TMEM217: variants seen among roughly 807,000 people sequenced by gnomAD.
TMEM217 encodes the protein transmembrane protein 217.
For synonymous variants in TMEM217, 76 were observed against 88.3 expected (o/e 0.86, Z 0.78); for missense variants, 204 against 248.8 (o/e 0.82, Z 1.21).
At chr6:37,226,601 CAG>C (rs775923812) in intron 1 of TMEM217, among the ~76,000 whole-genome samples, 3 of 151,446 alleles carry the variant, frequency 2.0e-5, no homozygotes, top group Non-Finnish European at 4.4e-5. Flanking sequence ...CCGGCCGAGA[CAG>C]AGTCTTGCTC....
At chr6:37,215,086 C>G, downstream of TMEM217, 1 of 1,425,314 alleles carries the variant, frequency 7.0e-7, no homozygotes, top group Middle Eastern at 2.2e-4. Context: ...GCTGCCCCAG[C>G]CTTGGTCTCC....
intron 1 of TMEM217, among the ~76,000 whole-genome samples, chr6:37,245,568 G>A (rs770322478): frequency 2.0e-5 from 3 of 152,208 alleles, no homozygotes; most frequent in Non-Finnish European, 4.4e-5. Flanking sequence ...ATAATACTAG[G>A]AGGTGGGCTC....
At chr6:37,232,201 T>C (rs1005959126) in intron 1 of TMEM217, among the ~76,000 whole-genome samples, 1 of 152,184 alleles carries the variant, frequency 6.6e-6, no homozygotes, top group African/African-American at 2.4e-5. Flanking sequence ...AAATAGAATT[T>C]TCCCAAGTTG....
chr6:37,225,225 A>G (rs1160204982), intron 1 of TMEM217, among the ~76,000 whole-genome samples: 1 of 152,098 alleles, frequency 6.6e-6, no homozygotes, highest in East Asian at 1.9e-4. Flanking sequence ...AATTACCAAA[A>G]GTAAGAGGAT....
Position 37,234,528 on chromosome 6 carries a change from A to G in TMEM217, c.-11-15487T>C, listed in dbSNP as rs140596056. Among the ~76,000 whole-genome samples, 559 of 152,244 alleles carry G rather than the reference A, an allele frequency of 3.7e-3. 4 individuals are homozygous for G. Among genetic ancestry groups the G allele is most frequent in the African/African-American group, 0.013 (528 of 41,534 alleles). ...TTGATATAGCCACTAGTGATGATAC[A>G]GTTAAGAGTTTGGGAGGAATGGCAG... On this transcript the variant is annotated intron_variant, in intron 1 of 1. Coordinates refer to ENST00000357219, the Ensembl canonical transcript of TMEM217.
chr6:37,241,150 G>A (rs1244133915), intron 1 of TMEM217, among the ~76,000 whole-genome samples: 2 of 148,098 alleles, frequency 1.4e-5, no homozygotes, highest in African/African-American at 2.5e-5. Context: ...CCAGGCTGGA[G>A]TGTAGTGGCA....
chr6:37,233,614 A>T (rs190981184), intron 1 of TMEM217, among the ~76,000 whole-genome samples: 107 of 152,252 alleles, frequency 7.0e-4, no homozygotes, highest in African/African-American at 2.3e-3. Context: ...TACTACCATC[A>T]CACTGGGGTT....
chr6:37,247,808 T>C (rs1765180709), intron 1 of TMEM217, among the ~76,000 whole-genome samples: 1 of 152,194 alleles, frequency 6.6e-6, no homozygotes, highest in Non-Finnish European at 1.5e-5. Flanking sequence ...TACCAACTCC[T>C]GAGAGTCAGT....
exon 2 of TMEM217, chr6:37,218,372 T>C (rs1351860259): frequency 8.5e-6 from 12 of 1,403,788 alleles, no homozygotes; most frequent in East Asian, 2.3e-5. Context: ...GGTTTTGCCA[T>C]GGCTGCCAAG....
chr6:37,221,864 C>T lies in TMEM217; in HGVS notation c.-11-2823G>A, dbSNP rs114770662. Among the ~76,000 whole-genome samples, 729 of 152,306 alleles carry T rather than the reference C, an allele frequency of 4.8e-3. 7 individuals are homozygous for T. The highest frequency in any genetic ancestry group is 0.016 in the African/African-American group (676 of 41,568). The stretch of plus-strand genomic sequence containing the variant: ...AGCTCCGCTCTGTAGGCAAGTCATG[C>T]TAATATCTGCTGTTCTCAGCAGGGA... On this transcript the variant is annotated intron_variant, in intron 1 of 1. Coordinates refer to ENST00000357219, the Ensembl canonical transcript of TMEM217.
In TMEM217 at chr6:37,218,192, C is replaced by A. The variant is rs868728495; in HGVS notation, c.*230G>T. The A allele has an allele frequency of 2.6e-4, 292 of 1,116,368 alleles. 1 individual carries two copies. The African/African-American group carries it at 3.9e-3, about 15-fold the overall frequency. The allele number at this position is 1,116,368 out of a possible 1,614,324, so 69.2% of individuals were successfully genotyped here. ...AACTTTTTTTTTTTTTTTTGGGGGACAGAGTCTTACTCTGTCACTCAGGCT... is the reference window on the plus strand; with the variant it reads ...AACTTTTTTTTTTTTTTTTGGGGGAAAGAGTCTTACTCTGTCACTCAGGCT... On this transcript the variant is annotated 3_prime_UTR_variant, in exon 2 of 2. Coordinates refer to ENST00000357219, the Ensembl canonical transcript of TMEM217.
intron 1 of TMEM217, among the ~76,000 whole-genome samples, chr6:37,231,906 G>A (rs893781922): frequency 7.3e-5 from 11 of 150,550 alleles, no homozygotes; most frequent in Non-Finnish European, 1.3e-4. Context: ...CTGACTGTGT[G>A]GCTAAAAAAA....
At chr6:37,218,185 T>TTTG (rs1554169348) in exon 2 of TMEM217, 41 of 1,121,850 alleles carry the variant, frequency 3.7e-5, no homozygotes, top group East Asian at 1.7e-4. Flanking sequence ...TTTTTTTTTT[T>TTTG]GGGGGACAGA....
In TMEM217 at chr6:37,249,709, C is replaced by A. The variant is rs140970481; in HGVS notation, c.-12+7859G>T. 7.5e-4 allele frequency among the ~76,000 whole-genome samples: 114 copies of A among 152,334 alleles called. 3 individuals carry two copies. The East Asian group carries it at 0.018, about 24-fold the overall frequency. ...CCAAATTTTGTCCTTCCCTTAGGAT[C>A]TGACTTTGAACCACCTTTTCCCTCC... On this transcript the variant is annotated intron_variant, in intron 1 of 1. Coordinates refer to ENST00000357219, the Ensembl canonical transcript of TMEM217.
intron 1 of TMEM217, among the ~76,000 whole-genome samples, chr6:37,229,121 G>A (rs1055904638): frequency 1.3e-5 from 2 of 152,078 alleles, no homozygotes; most frequent in African/African-American, 4.8e-5. Flanking sequence ...GTAATTGTGT[G>A]TATTTATTTC....
At chr6:37,248,252 A>G (rs185642987) in intron 1 of TMEM217, among the ~76,000 whole-genome samples, 108 of 152,296 alleles carry the variant, frequency 7.1e-4, no homozygotes, top group African/African-American at 2.3e-3. Flanking sequence ...TGTTGAGGAC[A>G]GGGGCTGTAT....
intron 1 of TMEM217, among the ~76,000 whole-genome samples, chr6:37,234,907 A>G (rs151135875): frequency 3.9e-5 from 6 of 152,320 alleles, no homozygotes; most frequent in Non-Finnish European, 8.8e-5. Flanking sequence ...ACATATTAAT[A>G]TTACACACCC....
rs79975448 is a variant in TMEM217, at chr6:37,230,590, G to A, written c.-11-11549C>T. ...AGGGATGACCATGTGAAAACATGGC[G>A]CAGGGGTGGTGAGGGTGGCCATCTA... On this transcript the variant is annotated intron_variant, in intron 1 of 1. Transcript: ENST00000357219. 4.5e-3 allele frequency among the ~76,000 whole-genome samples: 678 copies of A among 152,194 alleles called. 10 individuals carry two copies. The East Asian group carries it at 0.053, about 12-fold the overall frequency.
At chr6:37,232,579 C>A (rs1764262970) in intron 1 of TMEM217, among the ~76,000 whole-genome samples, 1 of 84,702 alleles carries the variant, frequency 1.2e-5, no homozygotes, top group Admixed American at 1.3e-4. Flanking sequence ...GGAAATCCTA[C>A]TACCCTTCTC....
Sources: gnomAD v4.1 joint callset for allele counts (sites outside exome capture counted in the v4.1 genomes callset) on GRCh38, gnomAD v4.1.1 for gene constraint, MANE v1.5 for transcripts, NCBI Gene and HGNC (gene_info 2026-07-23, HGNC 2026-07-21) for gene names.